The following SLC17A6 variants were observed in gnomAD, a reference collection of about 807,000 sequenced individuals.
The protein encoded by SLC17A6 is vesicular glutamate transporter 2.
A neutral mutation model predicts 67.1 loss-of-function variants in SLC17A6; 35 were observed. That is an observed-to-expected ratio of 0.52 (90% CI 0.40 to 0.69). The LOEUF is 0.69. Ranked by LOEUF, SLC17A6 falls within the 30% of genes least tolerant of loss-of-function variation. The pLI, the probability that SLC17A6 is intolerant of heterozygous loss-of-function variation, is 0.00. For synonymous variants in SLC17A6, 285 were observed against 252.3 expected (o/e 1.13, Z -1.23); for missense variants, 588 against 723.9 (o/e 0.81, Z 2.15).
At chr11:22,376,202 G>T in intron 10 of SLC17A6, 110 bp downstream of exon 10, 2 of 609,258 alleles carry the variant, frequency 3.3e-6, no homozygotes, top group South Asian at 3.2e-5. Flanking sequence ...TATTCTATAT[G>T]TTGAATAATA....
At chr11:22,357,201 T>C (rs1257519102) in intron 3 of SLC17A6, among the ~76,000 whole-genome samples, 3 of 152,184 alleles carry the variant, frequency 2.0e-5, no homozygotes, top group Non-Finnish European at 4.4e-5. Context: ...ATCTATAACA[T>C]TGGTATATGT....
chr11:22,349,432 C>T (rs1301403273), intron 3 of SLC17A6, among the ~76,000 whole-genome samples: 1 of 152,108 alleles, frequency 6.6e-6, no homozygotes, highest in East Asian at 1.9e-4. Context: ...ATACCCTTTA[C>T]CATAAGATGA....
At chr11:22,357,303 A>G (rs1856002619) in intron 3 of SLC17A6, among the ~76,000 whole-genome samples, 1 of 152,228 alleles carries the variant, frequency 6.6e-6, no homozygotes, top group Non-Finnish European at 1.5e-5. Flanking sequence ...TTAATATGGT[A>G]TCTAGCAAGT....
chr11:22,355,455 G>T (rs1200257481), intron 3 of SLC17A6, among the ~76,000 whole-genome samples: 1 of 152,068 alleles, frequency 6.6e-6, no homozygotes, highest in Non-Finnish European at 1.5e-5. Context: ...GCTGAACTTA[G>T]GTGGTTGTTA....
chr11:22,356,951 A>G (rs755876405), intron 3 of SLC17A6, among the ~76,000 whole-genome samples: 1 of 152,226 alleles, frequency 6.6e-6, no homozygotes, highest in Admixed American at 6.5e-5. Context: ...TTGGCATTTT[A>G]TTTCAGAAAT....
At chr11:22,359,330 G>A (rs981433487) in intron 3 of SLC17A6, 83 bp from the exon 4 acceptor site, 1 of 736,570 alleles carries the variant, frequency 1.4e-6, no homozygotes, top group Non-Finnish European at 2.0e-6. Flanking sequence ...TACTTTAAAT[G>A]TTTCACTTCT....
rs768462556 is a variant in SLC17A6, at chr11:22,362,736, T to C, written c.662-3T>C. The C allele has an allele frequency of 7.4e-6, 12 of 1,612,704 alleles. No individual in the cohort carries two copies. Among genetic ancestry groups the C allele is most frequent in the African/African-American group, 1.3e-5 (1 of 74,910 alleles). ...CTTTCTCCCATTCTTCCTTACACTT[T>C]AGGTTCCTATGCCGGAGCTGTGATT... On this transcript the variant is annotated splice_polypyrimidine_tract_variant and splice_region_variant and intron_variant, in intron 5 of 11. Coordinates refer to ENST00000263160, the MANE Select transcript of SLC17A6 (RefSeq NM_020346.3).
At chr11:22,349,157 A>G (rs765043904) in intron 3 of SLC17A6, among the ~76,000 whole-genome samples, 61 of 152,318 alleles carry the variant, frequency 4.0e-4, no homozygotes, top group Middle Eastern at 3.4e-3. Flanking sequence ...GAGTTCCTCA[A>G]TCCTTCCAGT....
intron 3 of SLC17A6, among the ~76,000 whole-genome samples, chr11:22,346,168 G>A (rs1168252954): frequency 6.6e-6 from 1 of 152,134 alleles, no homozygotes; most frequent in Non-Finnish European, 1.5e-5. Flanking sequence ...GTGTAAAAGA[G>A]TCTCACTTTG....
intron 5 of SLC17A6, among the ~76,000 whole-genome samples, chr11:22,361,628 A>G (rs1178709986): frequency 6.6e-6 from 1 of 152,118 alleles, no homozygotes; most frequent in Non-Finnish European, 1.5e-5. Context: ...CCTTACTACT[A>G]TTTTGGGAAA....
chr11:22,378,351 A>C lies in SLC17A6; in HGVS notation c.*611A>C, dbSNP rs541576020. 6.5e-6 allele frequency: 1 copy of C among 152,758 alleles called. No homozygotes were observed. The highest frequency in any genetic ancestry group is 1.5e-5 in the Non-Finnish European group (1 of 68,040). 9.5% of individuals were successfully genotyped at this position (152,758 alleles called of 1,614,324 possible). On this transcript the variant is annotated 3_prime_UTR_variant, in exon 12 of 12. Transcript: ENST00000263160. ...TTCTATGAAATGCTTGGGCACAAAC[A>C]CTTATTTCTGTGAAAGAGAACATGT...
chr11:22,339,312 A>G (rs1283646196), intron 1 of SLC17A6, among the ~76,000 whole-genome samples: 3 of 151,182 alleles, frequency 2.0e-5, no homozygotes, highest in Non-Finnish European at 4.4e-5. Context: ...AAATATATCA[A>G]TAATTGATAG....
rs139482938 is a variant in SLC17A6 at position 22,351,748 on chromosome 11, G to C, written c.459-7665G>C. Among the ~76,000 whole-genome samples, 943 of 152,188 alleles carry C rather than the reference G, an allele frequency of 6.2e-3. 4 individuals are homozygous for C. Among genetic ancestry groups the C allele is most frequent in the Admixed American group, 0.012 (176 of 15,282 alleles). On this transcript the variant is annotated intron_variant, in intron 3 of 11. Coordinates refer to ENST00000263160, the MANE Select transcript of SLC17A6 (RefSeq NM_020346.3). Reference sequence around the variant, plus strand: ...AACAATTTTGAGAAATGATTTACTTGGGAGGTTTTCATTGTTAGACAAGTT... The same window carrying C: ...AACAATTTTGAGAAATGATTTACTTCGGAGGTTTTCATTGTTAGACAAGTT...
At chr11:22,341,400 T>C in intron 1 of SLC17A6, 128 bp from the exon 2 acceptor site, 1 of 1,350,194 alleles carries the variant, frequency 7.4e-7, no homozygotes, top group Non-Finnish European at 1.0e-6. Flanking sequence ...ACCACCCTAA[T>C]CCCCGAGGGT....
At chr11:22,377,310 T>G in intron 11 of SLC17A6, 95 bp from the exon 12 acceptor site, 1 of 1,158,114 alleles carries the variant, frequency 8.6e-7, no homozygotes, top group Non-Finnish European at 1.2e-6. Flanking sequence ...AATATAGTGT[T>G]TTATGAAAAC....
intron 1 of SLC17A6, among the ~76,000 whole-genome samples, chr11:22,339,104 TTA>T (rs373471854): frequency 0.016 from 936 of 58,590 alleles, 61 homozygotes; most frequent in East Asian, 0.12. Context: ...TATATATATG[TTA>T]TATATATATG....
chr11:22,338,433 C>A lies in SLC17A6; in HGVS notation c.-101C>A. ...CTACCATTCTGCTGAGAAGGAAAAG[C>A]CCGCAACTACTTTAAGAGATTAAGA... On this transcript the variant is annotated 5_prime_UTR_variant, in exon 1 of 12. Transcript: ENST00000263160. 1 of 820,122 alleles carries A rather than the reference C, an allele frequency of 1.2e-6. No homozygotes were observed. Among genetic ancestry groups the A allele is most frequent in the Non-Finnish European group, 2.0e-6 (1 of 496,424 alleles). 50.8% of individuals were successfully genotyped at this position (820,122 alleles called of 1,614,324 possible).
chr11:22,339,119 ATATATATATGT>A (rs1855776306), intron 1 of SLC17A6, among the ~76,000 whole-genome samples: 4 of 74,352 alleles, frequency 5.4e-5, no homozygotes, highest in Admixed American at 3.4e-4. Flanking sequence ...TATATATGTT[ATATATATATGT>A]TATATATATA....
In SLC17A6 at chr11:22,341,633, C is replaced by T. The variant is rs1855817184; in HGVS notation, c.192C>T (p.Cys64=). Residue 64 remains cysteine (C), a synonymous_variant, in exon 2 of 12, where the codon TGC becomes TGT. Coordinates refer to ENST00000263160, the MANE Select transcript of SLC17A6 (RefSeq NM_020346.3). The stretch of plus-strand genomic sequence containing the variant: ...AGGCGCCGCTGTGCGACTGCACGTG[C>T]TTCGGCCTGCCCCGCCGCTACATTA... ...ERKAPLCDCT[C]FGLPRRYIIA... is the part of the protein sequence containing the mutation. The T allele has an allele frequency of 6.2e-7, 1 of 1,613,858 alleles. No individual in the cohort carries two copies. The highest frequency in any genetic ancestry group is 8.5e-7 in the Non-Finnish European group (1 of 1,180,018).
Sources: gnomAD v4.1 joint callset for allele counts (sites outside exome capture counted in the v4.1 genomes callset) on GRCh38, gnomAD v4.1.1 for gene constraint, MANE v1.5 for transcripts, NCBI Gene and HGNC (gene_info 2026-07-23, HGNC 2026-07-21) for gene names.